The following HELZ2 variants were observed in gnomAD, a reference collection of about 807,000 sequenced individuals.
HELZ2 encodes helicase with zinc finger 2.
HELZ2 carries 143 observed loss-of-function variants against 208.8 expected under a neutral mutation model. The ratio of observed to expected loss-of-function variants is 0.68; its 90% CI spans 0.60 to 0.79. The LOEUF is 0.79. HELZ2 is among the 30% of genes least tolerant of loss of function. HELZ2 has a pLI of 0.00. For synonymous variants in HELZ2, 1,705 were observed against 1,693.7 expected, an observed-to-expected ratio of 1.01 and a Z score of -0.16; for missense variants, 3,690 against 3,794.5, an observed-to-expected ratio of 0.97 and a Z score of 0.72.
In HELZ2 at chr20:63,563,991, G is replaced by A. The variant is rs45482693; in HGVS notation, c.4831C>T (p.Arg1611Cys). 1,650 of 1,602,844 alleles carry A rather than the reference G, an allele frequency of 1.0e-3. 4 individuals carry two copies. The highest frequency in any genetic ancestry group is 1.5e-3 in the South Asian group (136 of 90,288). The change falls in exon 8 of 19, where the codon CGC (arginine) becomes TGC (cysteine). Residue 1611 changes from arginine (R) to cysteine (C), a missense_variant. Arg to Cys is a radical substitution (Grantham distance 180). Around this residue, in one of 3 missense-constraint regions of HELZ2, gnomAD observed 2,564 missense variants for 2,580.5 expected, o/e 0.99. Transcript: ENST00000467148. Reference sequence around the variant, plus strand: ...ACCATCTGTTCGTAGTCCTGGGTGCGGGCAGCAAACTGGACCTGCTTCCAG... The same window carrying A: ...ACCATCTGTTCGTAGTCCTGGGTGCAGGCAGCAAACTGGACCTGCTTCCAG...
At chr20:63,563,538 G>C in exon 8 of HELZ2, 1 of 1,513,946 alleles carries the variant, frequency 6.6e-7, no homozygotes, top group Non-Finnish European at 8.8e-7. Context: ...AGCGTCTCCC[G>C]GTTGCTGGGG....
chr20:63,567,580 C>A, exon 6 of HELZ2: 1 of 1,591,300 alleles, frequency 6.3e-7, no homozygotes, highest in Non-Finnish European at 8.5e-7. Flanking sequence ...GGGGTGGCCG[C>A]CGCTGACGTG....
exon 1 of HELZ2, chr20:63,572,395 G>A (rs34681475): frequency 0.22 from 323,922 of 1,502,084 alleles, 40,061 homozygotes; most frequent in East Asian, 0.57. Context: ...TCTCCACGGC[G>A]CTGTGTGCAA....
chr20:63,563,391 G>A, exon 8 of HELZ2: 1 of 1,536,544 alleles, frequency 6.5e-7, no homozygotes, highest in Non-Finnish European at 8.7e-7. Context: ...GTGCCAGGCA[G>A]TGGCAGGGGC....
chr20:63,559,081 C>T (rs1007702613), downstream of HELZ2: 2 of 738,892 alleles, frequency 2.7e-6, no homozygotes, highest in Non-Finnish European at 4.3e-6. Context: ...GGGGACCGGC[C>T]CTTGCCGTTC....
chr20:63,566,350 G>A, intron 7 of HELZ2, 28 bp downstream of exon 8: 1 of 1,543,738 alleles, frequency 6.5e-7, no homozygotes, highest in Non-Finnish European at 8.7e-7. Context: ...GGGGCAGCTG[G>A]CAGCACCTGG....
exon 8 of HELZ2, chr20:63,563,731 G>A: frequency 4.4e-6 from 7 of 1,598,764 alleles, no homozygotes; most frequent in Non-Finnish European, 6.0e-6. Flanking sequence ...TGGCAGAGTA[G>A]GCAGAGCCCC....
At chr20:63,562,356 A>G (rs1190835060) in exon 9 of HELZ2, 1 of 1,593,308 alleles carries the variant, frequency 6.3e-7, no homozygotes, top group Non-Finnish European at 8.5e-7. Flanking sequence ...CGCCTCCTCT[A>G]GTCCACGCAC....
exon 8 of HELZ2, chr20:63,562,590 C>A (rs767941585): frequency 1.9e-6 from 3 of 1,599,768 alleles, no homozygotes; most frequent in Non-Finnish European, 1.7e-6. Flanking sequence ...TCTTCCGGAA[C>A]CTTCTCCATG....
At chr20:63,560,135 A>ACCCCGCCCC in intron 17 of HELZ2, 36 bp downstream of exon 18, 1 of 1,096,972 alleles carries the variant, frequency 9.1e-7, no homozygotes, top group Non-Finnish European at 1.3e-6. Flanking sequence ...CGCTGCGCCC[A>ACCCCGCCCC]CCCTCCCGGC....
At chr20:63,565,256 C>T in exon 8 of HELZ2, 3 of 1,606,920 alleles carry the variant, frequency 1.9e-6, no homozygotes, top group Non-Finnish European at 2.5e-6. Context: ...CAGCACGCGG[C>T]CCCGAAGCCG....
At position 63,559,277 on chromosome 20, in the gene HELZ2, C is replaced by T. The variant is rs148963119; in HGVS notation, c.7919G>A (p.Arg2640His). The T allele has an allele frequency of 2.3e-3, 3,646 of 1,585,228 alleles. 9 individuals carry two copies. The highest frequency in any genetic ancestry group is 2.7e-3 in the Non-Finnish European group (3,145 of 1,165,772). Residue 2640 changes from arginine to histidine, a missense_variant, in exon 19 of 19, where the codon CGC becomes CAC. Coordinates refer to ENST00000467148, the Ensembl canonical transcript of HELZ2. ...AGGCATAGTTGGCCTCCTGCAGACG[C>T]GCACCTGGCCGGCAGGCACGAGGGT...
rs774013881 is a variant in HELZ2 at position 63,563,753 on chromosome 20, G to A, written c.5069C>T (p.Ala1690Val). Residue 1690 changes from alanine (A) to valine (V), a missense_variant, in exon 8 of 19, where the codon GCG becomes GTG. Coordinates refer to ENST00000467148, the Ensembl canonical transcript of HELZ2. ...GTAGGCAGAGCCCCCATGGCCCAGC[G>A]CCAGCAGGATCTGCCGCTGCAACAC... 2.9e-5 allele frequency: 47 copies of A among 1,601,342 alleles called. 1 individual carries two copies. The South Asian group carries it at 4.6e-4, about 16-fold the overall frequency.
chr20:63,560,755 G>A (rs1467973421), intron 15 of HELZ2, 40 bp downstream of exon 16: 1 of 1,605,168 alleles, frequency 6.2e-7, no homozygotes, highest in Non-Finnish European at 8.5e-7. Context: ...GGCCCCCCAG[G>A]GGCTGCAGGT....
chr20:63,559,578 A>C (rs1414703746), intron 18 of HELZ2, among the ~76,000 whole-genome samples: 2 of 60,518 alleles, frequency 3.3e-5, no homozygotes, highest in African/African-American at 5.6e-5. Flanking sequence ...GTCAGGTGGG[A>C]GGAGTCAGGG....
chr20:63,572,525 C>A, upstream of HELZ2: 1 of 947,070 alleles, frequency 1.1e-6, no homozygotes, highest in East Asian at 2.8e-5. Context: ...CTTGCGGCGG[C>A]CCTCGGCGCT....
intron 2 of HELZ2, 36 bp from the exon 4 acceptor site, chr20:63,570,647 A>ACCCCCCCCCCCCC: frequency 2.7e-6 from 4 of 1,497,372 alleles, no homozygotes; most frequent in East Asian, 2.3e-5. Context: ...AGAGGCCTGG[A>ACCCCCCCCCCCCC]CCCCACCCCA....
At chr20:63,565,793 C>T (rs1323239893) in exon 8 of HELZ2, 32 of 1,599,802 alleles carry the variant, frequency 2.0e-5, no homozygotes, top group Admixed American at 3.3e-5. Flanking sequence ...CGTGATGTCA[C>T]GGGATGCTGG....
Position 63,561,292 on chromosome 20 carries a change from T to C in HELZ2, c.6954-18A>G. On this transcript the variant is annotated intron_variant, in intron 13 of 18. Transcript: ENST00000467148. ...TCTTGTACCTGCCGGGGACACTGCT[T>C]GTCACCCCAGGGCCCCCATGCTGCA... 6.2e-7 allele frequency: 1 copy of C among 1,612,394 alleles called. No individual in the cohort carries two copies. Among genetic ancestry groups the C allele is most frequent in the Non-Finnish European group, 8.5e-7 (1 of 1,179,640 alleles).
Sources: gnomAD v4.1 joint callset for allele counts (sites outside exome capture counted in the v4.1 genomes callset) on GRCh38, gnomAD v4.1.1 for gene constraint, gnomAD v4.1.1 regional missense constraint, MANE v1.5 for transcripts, NCBI Gene and HGNC (gene_info 2026-07-23, HGNC 2026-07-21) for gene names.